The following VWA3B variants were observed in gnomAD, a reference collection of about 807,000 sequenced individuals.
VWA3B encodes the protein von Willebrand factor A domain containing 3B, also known as von Willebrand factor A domain-containing protein 3B.
A neutral mutation model predicts 158.3 loss-of-function variants in VWA3B; 138 were observed. That is an observed-to-expected ratio of 0.87 (90% CI 0.76 to 1.00). The LOEUF (loss-of-function observed/expected upper bound fraction) is 1.00. VWA3B is among the 50% of genes least tolerant of loss of function. The pLI, the probability that VWA3B is intolerant of heterozygous loss-of-function variation, is 0.00. For missense variants in VWA3B, 1,555 were observed against 1,565.1 expected (o/e 0.99, Z 0.11); for synonymous variants, 596 against 587.3 (o/e 1.01, Z -0.21).
At chr2:98,208,997 T>C (rs1683264500) in intron 12 of VWA3B, among the ~76,000 whole-genome samples, 1 of 152,204 alleles carries the variant, frequency 6.6e-6, no homozygotes, top group African/African-American at 2.4e-5. Flanking sequence ...AGATAGATGA[T>C]TCATGGCTGG....
chr2:98,311,631 C>T (rs1354689504), intron 26 of VWA3B, among the ~76,000 whole-genome samples, 188 bp from the exon 27 acceptor site: 2 of 152,078 alleles, frequency 1.3e-5, no homozygotes, highest in South Asian at 2.1e-4. Flanking sequence ...ACCAAAGGCT[C>T]GTGGAAATGA....
intron 7 of VWA3B, among the ~76,000 whole-genome samples, chr2:98,146,979 C>A (rs1230419851): frequency 6.6e-6 from 1 of 152,146 alleles, no homozygotes; most frequent in South Asian, 2.1e-4. Context: ...ATGTGGCATA[C>A]ATTATGTTGC....
intron 14 of VWA3B, among the ~76,000 whole-genome samples, chr2:98,220,165 T>TAAA (rs58005028): frequency 1.9e-3 from 156 of 83,500 alleles, no homozygotes; most frequent in Non-Finnish European, 2.1e-3. Context: ...ACCTGTCTCA[T>TAAA]AAAAAAAAAA....
In VWA3B at chr2:98,270,724, A is replaced by T; in HGVS notation, c.2886A>T (p.Thr962=). Residue 962 remains threonine, a synonymous_variant, in exon 22 of 28, where the codon ACA becomes ACT. Coordinates refer to ENST00000477737, the MANE Select transcript of VWA3B (RefSeq NM_144992.5). The part of the protein sequence containing the change: ...NKPIQYLENK[T]VLNQALERLN... The stretch of plus-strand genomic sequence containing the variant: ...CAATACAGTACTTGGAAAACAAAAC[A>T]GTTTTAAACCAGGCTTTAGAACGGT... The T allele has an allele frequency of 6.2e-7, 1 of 1,614,164 alleles. No individual in the cohort carries two copies. The highest frequency in any genetic ancestry group is 8.5e-7 in the Non-Finnish European group (1 of 1,179,988).
At position 98,311,901 on chromosome 2, in the gene VWA3B, C is replaced by T. The variant is rs1202468104; in HGVS notation, c.3604C>T (p.Arg1202Ter). The change falls in exon 27 of 28, where the codon CGA becomes TGA. Residue 1202 changes from arginine (R) to a stop codon, truncating the protein, a stop_gained. Transcript: ENST00000477737. LOFTEE classifies it high-confidence loss of function. ...ADTQDSREPRREKPRRKKRPA... is the reference protein window; with the variant it reads ...ADTQDSREPR ...CACGCAGGATTCCAGAGAGCCAAGA[C>T]GAGAGAAGCCCAGGAGGAAAAAGAG... is the stretch of plus-strand genomic sequence containing the variant. The T allele has an allele frequency of 9.3e-6, 15 of 1,611,340 alleles. No individual in the cohort carries two copies. The highest frequency in any genetic ancestry group is 1.2e-5 in the Non-Finnish European group (14 of 1,178,796).
At chr2:98,162,561 A>G (rs899091670) in intron 7 of VWA3B, among the ~76,000 whole-genome samples, 2 of 152,084 alleles carry the variant, frequency 1.3e-5, no homozygotes, top group Admixed American at 6.6e-5. Flanking sequence ...TTTTATTCCT[A>G]TCTTATTTGG....
intron 26 of VWA3B, among the ~76,000 whole-genome samples, chr2:98,306,354 C>T (rs1376857589): frequency 6.6e-6 from 1 of 152,152 alleles, no homozygotes; most frequent in Non-Finnish European, 1.5e-5. Context: ...TCACAGAATG[C>T]CCCCAATGAC....
chr2:98,172,396 G>A (rs1410614229), intron 8 of VWA3B, among the ~76,000 whole-genome samples: 2 of 152,214 alleles, frequency 1.3e-5, no homozygotes, highest in Admixed American at 6.5e-5. Context: ...CGTTCCTCCC[G>A]ACATCCAGCC....
At position 98,188,059 on chromosome 2, in the gene VWA3B, A is replaced by G; in HGVS notation, c.1396A>G (p.Asn466Asp). The G allele has an allele frequency of 6.2e-7, 1 of 1,614,066 alleles. No individual in the cohort carries two copies. Among genetic ancestry groups the G allele is most frequent in the Non-Finnish European group, 8.5e-7 (1 of 1,179,988 alleles). ...PWKDGSLVHV[N>D]ITKEKCKWYS... Reference sequence around the variant, plus strand: ...GAAGGATGGGAGCTTGGTCCACGTCAACATTACCAAAGAGAAGTGCAAGTG... The same window carrying G: ...GAAGGATGGGAGCTTGGTCCACGTCGACATTACCAAAGAGAAGTGCAAGTG... Residue 466 changes from asparagine (N) to aspartate (D), a missense_variant, in exon 10 of 28, where the codon AAC becomes GAC. Physicochemically the swap from Asn to Asp is conservative, Grantham distance 23. Transcript: ENST00000477737.
intron 10 of VWA3B, 63 bp from the exon 11 acceptor site, chr2:98,192,835 T>A (rs1209457701): frequency 8.7e-6 from 14 of 1,610,252 alleles, no homozygotes; most frequent in Non-Finnish European, 1.2e-5. Context: ...GTTAAGTTCT[T>A]GGGAAGATGC....
chr2:98,308,286 GAGAGGCGTGTCTT>G (rs1690651008), intron 26 of VWA3B, among the ~76,000 whole-genome samples: 3 of 152,192 alleles, frequency 2.0e-5, no homozygotes, highest in Non-Finnish European at 2.9e-5. Flanking sequence ...ACACACGGCT[GAGAGGCGTGTCTT>G]TCAAGACAGT....
rs369675429 is a variant in VWA3B, at chr2:98,187,130, T to C, written c.1312-845T>C. ...CGCCAGGCCTTCTCTCCTAGCTCAC[T>C]GTCTCTGGGAGGCTTTCCCTGCGAG... On this transcript the variant is annotated intron_variant, in intron 9 of 27. Transcript: ENST00000477737. Among the ~76,000 whole-genome samples the C allele has an allele frequency of 9.2e-5, 14 of 152,260 alleles. 1 individual carries two copies. The East Asian group carries it at 2.7e-3, about 29-fold the overall frequency.
chr2:98,258,477 T>C (rs1687288920), intron 21 of VWA3B, among the ~76,000 whole-genome samples: 1 of 151,876 alleles, frequency 6.6e-6, no homozygotes, highest in African/African-American at 2.4e-5. Flanking sequence ...TGTTTTCCAA[T>C]CAATGAACAT....
At chr2:98,207,132 G>T in intron 12 of VWA3B, 1 of 538,950 alleles carries the variant, frequency 1.9e-6, no homozygotes, top group Non-Finnish European at 3.7e-6. Flanking sequence ...CTTCTGCTGT[G>T]GGCTATCAGC....
intron 9 of VWA3B, among the ~76,000 whole-genome samples, chr2:98,185,014 T>C (rs1469353629): frequency 6.6e-6 from 1 of 152,202 alleles, no homozygotes; most frequent in Non-Finnish European, 1.5e-5. Flanking sequence ...ACCCTTCCAA[T>C]ACCCCAACCT....
chr2:98,177,713 CCTGCCCTCAGGA>C (rs1229891126), intron 8 of VWA3B, among the ~76,000 whole-genome samples: 2 of 152,104 alleles, frequency 1.3e-5, no homozygotes, highest in African/African-American at 4.8e-5. Context: ...GAGCCTGAAT[CCTGCCCTCAGGA>C]CTGCACCGCC....
intron 12 of VWA3B, among the ~76,000 whole-genome samples, chr2:98,196,643 C>A (rs547299001): frequency 6.6e-6 from 1 of 152,140 alleles, no homozygotes; most frequent in Non-Finnish European, 1.5e-5. Flanking sequence ...AAACAGGTGC[C>A]ACCCCCAGAC....
At chr2:98,139,112 T>C (rs1028555140) in intron 7 of VWA3B, among the ~76,000 whole-genome samples, 1 of 152,198 alleles carries the variant, frequency 6.6e-6, no homozygotes, top group Admixed American at 6.5e-5. Context: ...CGGCCGGCCC[T>C]GCCGGCCCCA....
intron 22 of VWA3B, among the ~76,000 whole-genome samples, chr2:98,271,204 G>A (rs779998818): frequency 1.3e-5 from 2 of 152,054 alleles, no homozygotes; most frequent in Non-Finnish European, 2.9e-5. Flanking sequence ...CATCTAACCT[G>A]TGTGTGATTT....
Sources: allele counts gnomAD v4.1 joint callset (sites outside exome capture counted in the v4.1 genomes callset), GRCh38; gene constraint gnomAD v4.1.1; transcripts MANE v1.5; gene names NCBI Gene and HGNC (gene_info 2026-07-23, HGNC 2026-07-21).